The following NHSL1 variants were observed in gnomAD, a reference collection of about 807,000 sequenced individuals.
NHSL1 encodes NHS like 1.
In NHSL1, 48 loss-of-function variants were observed where a neutral mutation model predicts 95.0. The ratio of observed to expected loss-of-function variants is 0.51; its 90% CI spans 0.40 to 0.64. The LOEUF (loss-of-function observed/expected upper bound fraction) is 0.64, where lower values mean the gene tolerates loss of function less well. Among genes scored for constraint, NHSL1 ranks in the 30% least tolerant of loss-of-function variants. The probability of loss-of-function intolerance (pLI) is 0.00; values close to 1 mark genes in which losing one functional copy is unlikely to be tolerated. For missense variants in NHSL1, 1,971 were observed against 2,077.7 expected, an observed-to-expected ratio of 0.95 and a Z score of 1.00; for synonymous variants, 783 against 833.9, an observed-to-expected ratio of 0.94 and a Z score of 1.05.
At chr6:138,667,751 C>T (rs971857735) in intron 1 of NHSL1, among the ~76,000 whole-genome samples, 10 of 152,236 alleles carry the variant, frequency 6.6e-5, no homozygotes, top group Non-Finnish European at 1.2e-4. Context: ...ATCTTCTCTT[C>T]TTTCATGTCC....
intron 3 of NHSL1, among the ~76,000 whole-genome samples, chr6:138,457,483 CTAATTTA>C (rs1777691927): frequency 6.6e-6 from 1 of 152,148 alleles, no homozygotes. Flanking sequence ...GTTCTCTTTT[CTAATTTA>C]TATGTCCTTA....
intron 1 of NHSL1, chr6:138,691,871 A>G (rs1323783588): frequency 2.2e-6 from 1 of 456,380 alleles, no homozygotes; most frequent in Non-Finnish European, 4.4e-6. Flanking sequence ...CTGAATCACA[A>G]AGAGCTGGTG....
At chr6:138,657,609 C>G (rs1427646024) in intron 1 of NHSL1, among the ~76,000 whole-genome samples, 1 of 151,604 alleles carries the variant, frequency 6.6e-6, no homozygotes, top group Non-Finnish European at 1.5e-5. Flanking sequence ...GTCAGGAGAT[C>G]GAGACCATCC....
At chr6:138,528,512 G>C (rs193138139) in intron 1 of NHSL1, among the ~76,000 whole-genome samples, 2 of 152,150 alleles carry the variant, frequency 1.3e-5, no homozygotes, top group Non-Finnish European at 2.9e-5. Context: ...TTGATGTTTT[G>C]AGAGGGAAAA....
intron 1 of NHSL1, among the ~76,000 whole-genome samples, chr6:138,615,378 T>G (rs763686116): frequency 1.8e-4 from 28 of 152,384 alleles, no homozygotes; most frequent in South Asian, 4.1e-4. Flanking sequence ...CTTCTTTGGC[T>G]ACAAAAAGAC....
At chr6:138,534,878 T>C (rs1402735883) in intron 1 of NHSL1, among the ~76,000 whole-genome samples, 86 of 152,206 alleles carry the variant, frequency 5.7e-4, no homozygotes, top group Non-Finnish European at 2.2e-4. Context: ...GGGACTGTAG[T>C]TCGGCAGGGA....
At chr6:138,504,084 T>A (rs200503665), upstream of NHSL1, among the ~76,000 whole-genome samples, 64 of 64,024 alleles carry the variant, frequency 1.0e-3, no homozygotes, top group African/African-American at 3.0e-3. Flanking sequence ...ACAAAAAAAA[T>A]ATTAGCCCGG....
chr6:138,477,747 A>G (rs948051797), intron 2 of NHSL1, among the ~76,000 whole-genome samples: 8 of 152,330 alleles, frequency 5.3e-5, no homozygotes, highest in Non-Finnish European at 1.0e-4. Context: ...TTTCAAAAGG[A>G]CGTTTCCCTG....
intron 3 of NHSL1, among the ~76,000 whole-genome samples, chr6:138,461,609 G>A (rs1440550337): frequency 6.6e-6 from 1 of 152,154 alleles, no homozygotes; most frequent in East Asian, 1.9e-4. Context: ...GAGGTGACTG[G>A]TAGACTTAAC....
At chr6:138,435,552 A>G (rs1380098813) in intron 5 of NHSL1, among the ~76,000 whole-genome samples, 1 of 152,212 alleles carries the variant, frequency 6.6e-6, no homozygotes, top group Non-Finnish European at 1.5e-5. Flanking sequence ...AAACTCATAT[A>G]TCTTATCACA....
At position 138,424,186 on chromosome 6, in the gene NHSL1, G is replaced by C; in HGVS notation, c.4716C>G (p.Ala1572=). The change falls in exon 8 of 8, where the codon GCC becomes GCG. Residue 1572 remains alanine, a synonymous_variant. Transcript: ENST00000343505. The surrounding 1 kb of genome is among the most constrained non-coding windows in gnomAD (Gnocchi z 5.9). ...CGGGGGCCTGGGGCTGCAGGGAGGC[G>C]GCAGGCCCCTCCCCACAGAGCAGGC... The part of the protein sequence containing the change: ...EGGLLCGEGP[A]ASLQPQAPGP... 6.8e-7 allele frequency: 1 copy of C among 1,474,324 alleles called. No individual in the cohort carries two copies. 91.3% of individuals were successfully genotyped at this position (1,474,324 alleles called of 1,614,324 possible).
At position 138,521,458 on chromosome 6, in the gene NHSL1, C is replaced by T. The variant is rs1347303491; in HGVS notation, c.16+24165G>A. Among the ~76,000 whole-genome samples, 3 of 152,082 alleles carry T rather than the reference C, an allele frequency of 2.0e-5. No individual in the cohort carries two copies. In the East Asian group the frequency reaches 5.8e-4, roughly 29 times the overall value. On this transcript the variant is annotated intron_variant, in intron 1 of 4. Transcript: ENST00000342260. Reference sequence around the variant, plus strand: ...TCCAGCCTGGGCAGCAAAGTGAGACCCTGCCTCAAACAAAACAAAACAGCT... The same window carrying T: ...TCCAGCCTGGGCAGCAAAGTGAGACTCTGCCTCAAACAAAACAAAACAGCT...
rs1433635356 is a variant in NHSL1 at position 138,626,872 on chromosome 6, C to T, written c.96+65604G>A. 4.0e-5 allele frequency among the ~76,000 whole-genome samples: 2 copies of T among 50,486 alleles called. 1 individual carries two copies. Among genetic ancestry groups the T allele is most frequent in the African/African-American group, 2.3e-4 (2 of 8,554 alleles). 33.1% of individuals were successfully genotyped at this position (50,486 alleles called of 152,430 possible). On this transcript the variant is annotated intron_variant, in intron 1 of 3. Transcript: ENST00000491526. ...TCCCGCCACTGCACTCCAGCCTGGG[C>T]GACAGAGCGAGACTCCGTCTCAAAA...
At chr6:138,460,337 C>T (rs1777910119) in intron 3 of NHSL1, among the ~76,000 whole-genome samples, 1 of 152,068 alleles carries the variant, frequency 6.6e-6, no homozygotes, top group Non-Finnish European at 1.5e-5. Context: ...CTATGTATCT[C>T]CCATCTATCA....
intron 3 of NHSL1, among the ~76,000 whole-genome samples, chr6:138,462,965 T>C (rs920804540): frequency 4.0e-5 from 6 of 151,518 alleles, no homozygotes; most frequent in African/African-American, 1.2e-4. Context: ...GCAGGGTTAA[T>C]GGGTGAGAAT....
intron 1 of NHSL1, among the ~76,000 whole-genome samples, chr6:138,671,306 C>T (rs538928028): frequency 1.2e-4 from 18 of 151,504 alleles, no homozygotes; most frequent in Admixed American, 2.6e-4. Flanking sequence ...AAAAATTAGC[C>T]GGGCATGATG....
upstream of NHSL1, among the ~76,000 whole-genome samples, chr6:138,550,236 C>G (rs932289319): frequency 6.6e-6 from 1 of 151,354 alleles, no homozygotes; most frequent in African/African-American, 2.4e-5. Flanking sequence ...GAGACTCTAT[C>G]TCCAAAAAAA....
At chr6:138,556,465 C>A (rs552931712) in intron 1 of NHSL1, among the ~76,000 whole-genome samples, 1 of 151,770 alleles carries the variant, frequency 6.6e-6, no homozygotes, top group African/African-American at 2.4e-5. Context: ...TCTTGAGTCA[C>A]AGAATTTTCT....
intron 1 of NHSL1, among the ~76,000 whole-genome samples, chr6:138,687,948 T>A (rs974382616): frequency 6.6e-6 from 1 of 152,150 alleles, no homozygotes; most frequent in African/African-American, 2.4e-5. Flanking sequence ...AACCCCTAAA[T>A]TGTACACTTT....
Sources: gnomAD v4.1 joint callset for allele counts (sites outside exome capture counted in the v4.1 genomes callset) on GRCh38, gnomAD v4.1.1 for gene constraint, Gnocchi (gnomAD v3.1) non-coding constraint, MANE v1.5 for transcripts, NCBI Gene and HGNC (gene_info 2026-07-23, HGNC 2026-07-21) for gene names.